KCNIP4: variants seen among roughly 807,000 people sequenced by gnomAD.
KCNIP4 encodes potassium voltage-gated channel interacting protein 4, also known as Kv channel-interacting protein 4.
KCNIP4 carries 12 observed loss-of-function variants against 34.0 expected under a neutral mutation model. The observed-to-expected ratio is 0.35, with a 90% confidence interval of 0.23 to 0.57. KCNIP4 has a LOEUF of 0.57. KCNIP4 is among the 20% of genes least tolerant of loss of function. The probability of loss-of-function intolerance (pLI) is 0.83; values close to 1 mark genes in which losing one functional copy is unlikely to be tolerated. For missense variants in KCNIP4, 238 were observed against 311.7 expected (o/e 0.76, Z 1.78); for synonymous variants, 124 against 102.2 (o/e 1.21, Z -1.29).
intron 1 of KCNIP4, among the ~76,000 whole-genome samples, chr4:20,914,842 G>T (rs1728653748): frequency 6.6e-6 from 1 of 152,182 alleles, no homozygotes; most frequent in African/African-American, 2.4e-5. Context: ...TACCAAGAAT[G>T]TTGCAATCTG....
At chr4:21,562,494 G>A (rs1193101103) in intron 1 of KCNIP4, among the ~76,000 whole-genome samples, 5 of 151,992 alleles carry the variant, frequency 3.3e-5, no homozygotes, top group African/African-American at 1.2e-4. Flanking sequence ...TGTTTATGCC[G>A]AGTAAACATT....
chr4:21,034,143 G>A (rs1344110675), intron 1 of KCNIP4, among the ~76,000 whole-genome samples: 1 of 152,104 alleles, frequency 6.6e-6, no homozygotes, highest in African/African-American at 2.4e-5. Context: ...AGTTGGCAGA[G>A]GAGAAAAGAA....
At chr4:20,909,623 C>A (rs183502010) in intron 1 of KCNIP4, among the ~76,000 whole-genome samples, 1 of 152,254 alleles carries the variant, frequency 6.6e-6, no homozygotes, top group Admixed American at 6.5e-5. Context: ...TTACTTTGGA[C>A]ACATTAAGAC....
intron 1 of KCNIP4, among the ~76,000 whole-genome samples, chr4:21,743,511 C>A (rs1451357239): frequency 6.6e-6 from 1 of 151,312 alleles, no homozygotes; most frequent in Non-Finnish European, 1.5e-5. Context: ...TCTTCAAAAT[C>A]TTTTACCATG....
intron 1 of KCNIP4, among the ~76,000 whole-genome samples, chr4:21,231,607 T>G (rs1758792239): frequency 1.3e-5 from 2 of 152,164 alleles, no homozygotes. Flanking sequence ...TTGAAATTAC[T>G]CCTTTTCTGG....
chr4:20,947,811 AAT>A (rs1369594868), intron 1 of KCNIP4, among the ~76,000 whole-genome samples: 1 of 152,142 alleles, frequency 6.6e-6, no homozygotes, highest in Non-Finnish European at 1.5e-5. Flanking sequence ...GGCAGCTCCT[AAT>A]CTGTTATTCC....
intron 1 of KCNIP4, among the ~76,000 whole-genome samples, chr4:21,778,009 AT>A (rs532607666): frequency 1.8e-3 from 273 of 152,182 alleles, no homozygotes; most frequent in Middle Eastern, 3.4e-3. Context: ...ATCATTATAA[AT>A]AACTAAGTAA....
chr4:21,619,498 C>G (rs1468685982), intron 1 of KCNIP4, among the ~76,000 whole-genome samples: 1 of 152,072 alleles, frequency 6.6e-6, no homozygotes, highest in Non-Finnish European at 1.5e-5. Flanking sequence ...TCAGACAGTC[C>G]AAATTCTAAT....
chr4:20,821,100 A>G (rs538401547), intron 3 of KCNIP4, among the ~76,000 whole-genome samples: 1 of 152,230 alleles, frequency 6.6e-6, no homozygotes, highest in South Asian at 2.1e-4. Flanking sequence ...TATTCCACCC[A>G]TGAGAGCTGC....
intron 1 of KCNIP4, among the ~76,000 whole-genome samples, chr4:21,679,946 C>G (rs1030397981): frequency 2.0e-5 from 3 of 152,212 alleles, no homozygotes; most frequent in African/African-American, 7.2e-5. Flanking sequence ...TCTATGCTGA[C>G]AAATGCTGAC....
intron 1 of KCNIP4, among the ~76,000 whole-genome samples, chr4:21,198,523 T>A (rs190435118): frequency 1.4e-4 from 22 of 152,334 alleles, no homozygotes; most frequent in African/African-American, 1.7e-4. Flanking sequence ...AGCACATTTA[T>A]GAGACAGGCA....
rs1445857365 is a variant in KCNIP4, at chr4:21,493,157, T to C, written c.61+455414A>G. Among the ~76,000 whole-genome samples the C allele has an allele frequency of 4.6e-5, 7 of 152,232 alleles. No individual in the cohort carries two copies. The South Asian group carries it at 1.2e-3, about 27-fold the overall frequency. On this transcript the variant is annotated intron_variant, in intron 1 of 8. Coordinates refer to ENST00000382152, the MANE Select transcript of KCNIP4 (RefSeq NM_025221.6). ...GGAGTCCCCATGGGGCCATCTGTAG[T>C]GCATTCTTCTCTGACATGTGTTGTA...
At chr4:21,251,205 C>G (rs978701285) in intron 1 of KCNIP4, among the ~76,000 whole-genome samples, 1 of 152,046 alleles carries the variant, frequency 6.6e-6, no homozygotes, top group East Asian at 1.9e-4. Context: ...AGCTATCCAA[C>G]AAATCTATCT....
chr4:21,881,046 T>C (rs1051458676), intron 1 of KCNIP4, among the ~76,000 whole-genome samples: 9 of 152,198 alleles, frequency 5.9e-5, no homozygotes, highest in African/African-American at 1.9e-4. Context: ...GTAATTGTTG[T>C]TGGAGTATAG....
intron 1 of KCNIP4, among the ~76,000 whole-genome samples, chr4:21,431,866 A>G (rs1187385969): frequency 2.0e-5 from 3 of 151,282 alleles, no homozygotes; most frequent in African/African-American, 7.3e-5. Context: ...AAAAAAAGTG[A>G]CTAATGATCT....
intron 1 of KCNIP4, among the ~76,000 whole-genome samples, chr4:21,085,550 T>C (rs1178239573): frequency 1.3e-5 from 2 of 152,180 alleles, no homozygotes; most frequent in Non-Finnish European, 2.9e-5. Flanking sequence ...TTAGAGCTGA[T>C]GTCAAATGGG....
chr4:21,533,109 A>G (rs73252239), intron 1 of KCNIP4, among the ~76,000 whole-genome samples: 32,993 of 151,620 alleles, frequency 0.22, 3,963 homozygotes, highest in Middle Eastern at 0.3. Context: ...GAAGTTTAAA[A>G]TCCATTTTAG....
At chr4:21,129,340 T>A (rs1201365550) in intron 1 of KCNIP4, among the ~76,000 whole-genome samples, 2 of 152,206 alleles carry the variant, frequency 1.3e-5, no homozygotes, top group Non-Finnish European at 2.9e-5. Context: ...ACAGCATCTA[T>A]GTAGCACTCA....
chr4:21,561,143 C>T (rs998740767), intron 1 of KCNIP4, among the ~76,000 whole-genome samples: 3 of 152,030 alleles, frequency 2.0e-5, no homozygotes, highest in Admixed American at 6.6e-5. Context: ...TTTAATATTA[C>T]TTACATGTAC....
Sources: gnomAD v4.1 joint callset for allele counts (sites outside exome capture counted in the v4.1 genomes callset) on GRCh38, gnomAD v4.1.1 for gene constraint, MANE v1.5 for transcripts, NCBI Gene and HGNC (gene_info 2026-07-23, HGNC 2026-07-21) for gene names.